WWOX: variants seen among roughly 807,000 people sequenced by gnomAD.
WWOX encodes the protein WW domain-containing oxidoreductase.
WWOX carries 69 observed loss-of-function variants against 46.2 expected under a neutral mutation model. That is an observed-to-expected ratio of 1.49 (90% CI 1.23 to 1.82). The LOEUF is 1.82. Among genes scored for constraint, WWOX ranks in the 40% most tolerant of loss-of-function variants. WWOX has a pLI of 0.00. For synonymous variants in WWOX, 359 were observed against 202.6 expected (o/e 1.77, Z -6.56); for missense variants, 919 against 542.6 (o/e 1.69, Z -6.89).
intron 8 of WWOX, among the ~76,000 whole-genome samples, chr16:78,811,732 C>T (rs1190575194): frequency 6.6e-6 from 1 of 152,034 alleles, no homozygotes; most frequent in Non-Finnish European, 1.5e-5. Flanking sequence ...CTCAAGACTT[C>T]ATCTAAACCT....
At chr16:78,459,798 T>G (rs2083907816) in intron 8 of WWOX, among the ~76,000 whole-genome samples, 1 of 152,022 alleles carries the variant, frequency 6.6e-6, no homozygotes, top group Non-Finnish European at 1.5e-5. Context: ...AGACTAGATT[T>G]TATTTTATTT....
intron 8 of WWOX, among the ~76,000 whole-genome samples, chr16:78,949,337 G>C (rs758680869): frequency 1.3e-5 from 2 of 152,140 alleles, no homozygotes; most frequent in Non-Finnish European, 2.9e-5. Context: ...ATAATTTGCT[G>C]TGGCAGCAAT....
rs555269678 is a variant in WWOX, at chr16:79,052,622, C to G, written c.1057-158986C>G. On this transcript the variant is annotated intron_variant, in intron 8 of 8. Transcript: ENST00000566780. ...AGTTGCTAGCCAGTCGGAACAAATA[C>G]AGAATGTGAGGTCCCTTTCCAGCCA... 5.9e-5 allele frequency among the ~76,000 whole-genome samples: 9 copies of G among 152,286 alleles called. No homozygotes were observed. The South Asian group carries it at 1.2e-3, about 21-fold the overall frequency.
intron 5 of WWOX, among the ~76,000 whole-genome samples, chr16:78,265,699 A>G (rs1459126573): frequency 6.6e-6 from 1 of 151,086 alleles, no homozygotes; most frequent in Non-Finnish European, 1.5e-5. Context: ...AAAAACAACA[A>G]AAAACACGAA....
intron 8 of WWOX, among the ~76,000 whole-genome samples, chr16:78,995,743 A>G (rs1046232042): frequency 6.6e-6 from 1 of 152,172 alleles, no homozygotes; most frequent in Non-Finnish European, 1.5e-5. Context: ...ATAAATCACT[A>G]TAAAAATGTT....
At chr16:78,891,669 G>C (rs138126000) in intron 8 of WWOX, 234 of 152,284 alleles carry the variant, frequency 1.5e-3, no homozygotes, top group African/African-American at 5.4e-3. Context: ...CCCGTCATTA[G>C]CAGCTAAGCT....
At chr16:79,071,818 G>C (rs894312333) in intron 8 of WWOX, among the ~76,000 whole-genome samples, 16 of 152,228 alleles carry the variant, frequency 1.1e-4, no homozygotes, top group African/African-American at 3.6e-4. Flanking sequence ...CTAGGGACAA[G>C]TGTGTTGGGA....
intron 8 of WWOX, among the ~76,000 whole-genome samples, chr16:78,862,216 G>A (rs187457737): frequency 8.9e-4 from 124 of 139,340 alleles, no homozygotes; most frequent in African/African-American, 3.0e-3. Flanking sequence ...ACACCTATGG[G>A]TGTGTCTGTC....
At chr16:79,112,048 C>G (rs946796553) in intron 8 of WWOX, among the ~76,000 whole-genome samples, 1 of 152,156 alleles carries the variant, frequency 6.6e-6, no homozygotes, top group Non-Finnish European at 1.5e-5. Flanking sequence ...ACCTCAATGT[C>G]CAGACTTGCC....
intron 8 of WWOX, among the ~76,000 whole-genome samples, chr16:78,575,296 A>G (rs1275086894): frequency 1.3e-5 from 2 of 150,506 alleles, no homozygotes; most frequent in Non-Finnish European, 3.0e-5. Flanking sequence ...AAGACTATCT[A>G]AGATTCAGAT....
At chr16:78,253,952 T>C (rs551228028) in intron 5 of WWOX, among the ~76,000 whole-genome samples, 1 of 152,284 alleles carries the variant, frequency 6.6e-6, no homozygotes, top group African/African-American at 2.4e-5. Flanking sequence ...ACAAATTGAG[T>C]GCAACCGGGA....
chr16:78,566,663 C>G (rs76981451), intron 8 of WWOX, among the ~76,000 whole-genome samples: 9 of 152,290 alleles, frequency 5.9e-5, no homozygotes, highest in African/African-American at 1.9e-4. Context: ...AGAAGTCTCT[C>G]AGGACAGGGC....
rs934714522 is a variant in WWOX, at chr16:79,212,161, C to A, written c.*365C>A. 1 of 1,494,694 alleles carries A rather than the reference C, an allele frequency of 6.7e-7. No individual in the cohort carries two copies. Among genetic ancestry groups the A allele is most frequent in the South Asian group, 1.3e-5 (1 of 76,984 alleles). 92.6% of individuals were successfully genotyped at this position (1,494,694 alleles called of 1,614,324 possible). ...GTCCCCTCGTCCCATCCAGCTACCA[C>A]CACGGCCACCACTGCAGCCGGGGGC... On this transcript the variant is annotated 3_prime_UTR_variant, in exon 9 of 9. Coordinates refer to ENST00000566780, the MANE Select transcript of WWOX (RefSeq NM_016373.4).
intron 4 of WWOX, among the ~76,000 whole-genome samples, chr16:78,142,225 T>C (rs1315601934): frequency 1.3e-5 from 2 of 152,182 alleles, no homozygotes; most frequent in Admixed American, 1.3e-4. Flanking sequence ...GAGTTGAGGC[T>C]TTGCAACACT....
intron 8 of WWOX, among the ~76,000 whole-genome samples, chr16:78,586,793 C>T (rs1397088267): frequency 6.6e-6 from 1 of 152,032 alleles, no homozygotes; most frequent in Admixed American, 6.6e-5. Context: ...GTAATGTGCC[C>T]AGTATCATCT....
At chr16:78,846,567 A>G (rs1435229878) in intron 8 of WWOX, among the ~76,000 whole-genome samples, 1 of 152,044 alleles carries the variant, frequency 6.6e-6, no homozygotes, top group African/African-American at 2.4e-5. Context: ...TACATAAGTG[A>G]TGTGCCATTC....
chr16:79,084,900 G>C (rs1023089830), intron 8 of WWOX, among the ~76,000 whole-genome samples: 1 of 152,084 alleles, frequency 6.6e-6, no homozygotes, highest in Non-Finnish European at 1.5e-5. Flanking sequence ...ACCCTGTCTA[G>C]GTATTAACAG....
intron 5 of WWOX, among the ~76,000 whole-genome samples, chr16:78,225,174 C>T (rs1039667922): frequency 2.0e-5 from 3 of 152,168 alleles, no homozygotes; most frequent in African/African-American, 7.2e-5. Context: ...GGTATAGCCT[C>T]TTCCTCCAGG....
chr16:78,974,370 T>C (rs11150124), intron 8 of WWOX, among the ~76,000 whole-genome samples: 71,170 of 151,976 alleles, frequency 0.47, 16,899 homozygotes, highest in African/African-American at 0.55. Flanking sequence ...AATTGAACAG[T>C]ACGTGGGTTC....
Sources: allele counts gnomAD v4.1 joint callset (sites outside exome capture counted in the v4.1 genomes callset), GRCh38; gene constraint gnomAD v4.1.1; transcripts MANE v1.5; gene names NCBI Gene and HGNC (gene_info 2026-07-23, HGNC 2026-07-21).